SLC6A17: variants seen among roughly 807,000 people sequenced by gnomAD.
SLC6A17 encodes the protein solute carrier family 6 member 17.
In SLC6A17, 21 loss-of-function variants were observed where a neutral mutation model predicts 64.5. The observed-to-expected ratio is 0.33, with a 90% confidence interval of 0.23 to 0.47. SLC6A17 has a LOEUF of 0.47. SLC6A17 is among the 20% of genes least tolerant of loss of function. The pLI, the probability that SLC6A17 is intolerant of heterozygous loss-of-function variation, is 1.00. For missense variants in SLC6A17, 682 were observed against 963.2 expected (o/e 0.71, Z 3.86); for synonymous variants, 372 against 399.5 (o/e 0.93, Z 0.82).
chr1:110,199,675 A>C lies in SLC6A17; in HGVS notation c.*1231A>C. 1 of 307,760 alleles carries C rather than the reference A, an allele frequency of 3.2e-6. No individual in the cohort carries two copies. Among genetic ancestry groups the C allele is most frequent in the Non-Finnish European group, 6.0e-6 (1 of 167,882 alleles). The allele number at this position is 307,760 out of a possible 1,614,324, so 19.1% of individuals were successfully genotyped here. A position where few individuals can be genotyped will look rare whatever the true frequency, so the allele number is the denominator to read the frequency against. On this transcript the variant is annotated 3_prime_UTR_variant, in exon 12 of 12. Transcript: ENST00000331565. Reference sequence around the variant, plus strand: ...AGTGCTGTGGACAGTAGAGGCTGCCAAAGGCAAGGGCTGGTCTTCAGGATG... The same window carrying C: ...AGTGCTGTGGACAGTAGAGGCTGCCCAAGGCAAGGGCTGGTCTTCAGGATG...
Position 110,198,800 on chromosome 1 carries a change from T to G in SLC6A17, c.*356T>G. The G allele has an allele frequency of 4.7e-6, 1 of 212,690 alleles. No homozygotes were observed. Among genetic ancestry groups the G allele is most frequent in the Non-Finnish European group, 9.4e-6 (1 of 106,408 alleles). 13.2% of individuals were successfully genotyped at this position (212,690 alleles called of 1,614,324 possible). On this transcript the variant is annotated 3_prime_UTR_variant, in exon 12 of 12. Coordinates refer to ENST00000331565, the MANE Select transcript of SLC6A17 (RefSeq NM_001010898.4). ...ACTCACCTCCCTCTCTCCCTGTAAC[T>G]TGCCACCTGCAGTTCTTAGGGCTGT...
At chr1:110,168,991 T>G (rs1484607215) in intron 2 of SLC6A17, among the ~76,000 whole-genome samples, 1 of 152,250 alleles carries the variant, frequency 6.6e-6, no homozygotes, top group Non-Finnish European at 1.5e-5. Flanking sequence ...AATCCCTTTT[T>G]ATCTCTACCT....
At position 110,175,102 on chromosome 1, in the gene SLC6A17, T is replaced by A. The variant is rs1216115685; in HGVS notation, c.753+142T>A. ...GCCCCCAGAGGAGGGTGTGGAAGTA[T>A]CATTCCTATAGTGTTGCTCACCATG... On this transcript the variant is annotated intron_variant, in intron 5 of 11. Coordinates refer to ENST00000331565, the MANE Select transcript of SLC6A17 (RefSeq NM_001010898.4). 9.9e-6 allele frequency: 11 copies of A among 1,107,812 alleles called. No homozygotes were observed. The African/African-American group carries it at 1.7e-4, about 18-fold the overall frequency. 68.6% of individuals were successfully genotyped at this position (1,107,812 alleles called of 1,614,324 possible).
At chr1:110,177,456 T>C (rs1656405347) in intron 6 of SLC6A17, among the ~76,000 whole-genome samples, 1 of 152,236 alleles carries the variant, frequency 6.6e-6, no homozygotes, top group Admixed American at 6.5e-5. Flanking sequence ...TCTCCACCCA[T>C]GGCCTTGCCT....
intron 1 of SLC6A17, among the ~76,000 whole-genome samples, chr1:110,165,881 T>A (rs1218117005): frequency 6.6e-6 from 1 of 152,174 alleles, no homozygotes; most frequent in Non-Finnish European, 1.5e-5. Context: ...TAATTTTAAA[T>A]CCTCCAACCT....
At chr1:110,150,963 G>C (rs1344022359) in intron 1 of SLC6A17, 80 bp downstream of exon 1, 1 of 152,228 alleles carries the variant, frequency 6.6e-6, no homozygotes, top group Admixed American at 6.5e-5. Flanking sequence ...GCCCCAGCCA[G>C]GGAGGGCTGA....
intron 3 of SLC6A17, 152 bp downstream of exon 3, chr1:110,172,369 G>C (rs574461225): frequency 1.0e-6 from 1 of 990,966 alleles, no homozygotes; most frequent in African/African-American, 1.6e-5. Flanking sequence ...CACAGCTGGG[G>C]TTCCAGGACC....
intron 2 of SLC6A17, among the ~76,000 whole-genome samples, chr1:110,169,802 G>A (rs751812201): frequency 5.9e-5 from 9 of 152,210 alleles, no homozygotes; most frequent in Non-Finnish European, 4.4e-5. Flanking sequence ...TTTCTAAGGC[G>A]GAAGAGGATG....
intron 5 of SLC6A17, among the ~76,000 whole-genome samples, chr1:110,175,294 G>A (rs1448109800): frequency 5.3e-5 from 8 of 152,212 alleles, no homozygotes; most frequent in Non-Finnish European, 7.3e-5. Context: ...AGGTTCCCAA[G>A]AGCAAAAGCC....
chr1:110,188,111 C>T (rs974416403), intron 6 of SLC6A17, among the ~76,000 whole-genome samples: 1 of 152,174 alleles, frequency 6.6e-6, no homozygotes, highest in Non-Finnish European at 1.5e-5. Context: ...GAAATACTAA[C>T]GTGTTTGATT....
At chr1:110,151,222 G>A (rs1475000678) in intron 1 of SLC6A17, among the ~76,000 whole-genome samples, 1 of 152,234 alleles carries the variant, frequency 6.6e-6, no homozygotes, top group Non-Finnish European at 1.5e-5. Flanking sequence ...GCGGAGAACC[G>A]GAGGGGGCCT....
chr1:110,194,148 G>A (rs1252843854), intron 8 of SLC6A17, among the ~76,000 whole-genome samples: 1 of 152,218 alleles, frequency 6.6e-6, no homozygotes, highest in East Asian at 1.9e-4. Flanking sequence ...AGGCTCCGGT[G>A]TGCTTCCATT....
intron 1 of SLC6A17, among the ~76,000 whole-genome samples, chr1:110,166,001 G>T (rs1265430624): frequency 6.6e-6 from 1 of 152,238 alleles, no homozygotes; most frequent in Admixed American, 6.5e-5. Context: ...GACAAATGAG[G>T]ACTGGCAGGA....
intron 9 of SLC6A17, 124 bp from the exon 10 acceptor site, chr1:110,195,462 C>A: frequency 8.3e-7 from 1 of 1,208,928 alleles, no homozygotes; most frequent in Non-Finnish European, 1.2e-6. Flanking sequence ...AGCCTGCTGG[C>A]AGGAGGGCTG....
intron 1 of SLC6A17, among the ~76,000 whole-genome samples, chr1:110,157,572 C>A (rs527862898): frequency 6.6e-6 from 1 of 151,484 alleles, no homozygotes; most frequent in Admixed American, 6.6e-5. Flanking sequence ...GACTCCATCT[C>A]AAAAAAATAA....
At chr1:110,161,868 T>C (rs1251503803) in intron 1 of SLC6A17, among the ~76,000 whole-genome samples, 2 of 152,228 alleles carry the variant, frequency 1.3e-5, no homozygotes, top group East Asian at 1.9e-4. Context: ...TGCCGGATGC[T>C]GTGCTTGAAA....
chr1:110,159,016 C>G (rs1047283537), intron 1 of SLC6A17, among the ~76,000 whole-genome samples: 1 of 152,142 alleles, frequency 6.6e-6, no homozygotes, highest in South Asian at 2.1e-4. Flanking sequence ...GTAATTATCC[C>G]TCTCAGCTTC....
intron 1 of SLC6A17, among the ~76,000 whole-genome samples, chr1:110,165,691 C>T (rs1431595901): frequency 6.6e-6 from 1 of 152,234 alleles, no homozygotes; most frequent in Non-Finnish European, 1.5e-5. Flanking sequence ...AAGGACGGGC[C>T]TGGCCCTTGA....
chr1:110,191,232 T>G (rs1380047948), intron 6 of SLC6A17, among the ~76,000 whole-genome samples: 1 of 152,198 alleles, frequency 6.6e-6, no homozygotes, highest in Non-Finnish European at 1.5e-5. Context: ...TGTCTGAGAC[T>G]CTAAAGCTCT....
Sources: gnomAD v4.1 joint callset for allele counts (sites outside exome capture counted in the v4.1 genomes callset) on GRCh38, gnomAD v4.1.1 for gene constraint, MANE v1.5 for transcripts, NCBI Gene and HGNC (gene_info 2026-07-23, HGNC 2026-07-21) for gene names.